Variants in CNTNAP1 observed in about 807,000 individuals in gnomAD.
The protein encoded by CNTNAP1 is contactin-associated protein 1.
In CNTNAP1, 80 loss-of-function variants were observed where a neutral mutation model predicts 161.5. The observed-to-expected ratio is 0.50, with a 90% CI of 0.41 to 0.60. The LOEUF (loss-of-function observed/expected upper bound fraction) is 0.60, where lower values mean the gene tolerates loss of function less well. Among genes scored for constraint, CNTNAP1 ranks in the 20% least tolerant of loss-of-function variants. CNTNAP1 has a pLI of 0.00. For synonymous variants in CNTNAP1, 695 were observed against 733.1 expected, an observed-to-expected ratio of 0.95 and a Z score of 0.84; for missense variants, 1,464 against 1,854.8, an observed-to-expected ratio of 0.79 and a Z score of 3.87.
In CNTNAP1 at chr17:42,697,130, C is replaced by T. The variant is rs1209658330; in HGVS notation, c.3475-144C>T. The T allele has an allele frequency of 7.5e-6, 5 of 662,744 alleles. No individual in the cohort carries two copies. The East Asian group carries it at 1.3e-4, about 18-fold the overall frequency. The allele number at this position is 662,744 out of a possible 1,614,324, so 41.1% of individuals were successfully genotyped here. A position where few individuals can be genotyped will look rare whatever the true frequency, so the allele number is the denominator to read the frequency against. On this transcript the variant is annotated intron_variant, in intron 20 of 23. Coordinates refer to ENST00000264638, the MANE Select transcript of CNTNAP1 (RefSeq NM_003632.3). ...TGAGCTAGGACTCACCCAGCTGGCA[C>T]CGCCAGTTTGGACAGAATGAGAGAT...
chr17:42,692,348 T>C, intron 16 of CNTNAP1, 151 bp from the exon 17 acceptor site: 1 of 677,490 alleles, frequency 1.5e-6, no homozygotes, highest in South Asian at 1.9e-5. Context: ...TTTAAGCAGC[T>C]GGTAAGTTTC....
intron 11 of CNTNAP1, chr17:42,689,843 C>T (rs2053062618): frequency 5.2e-6 from 3 of 576,900 alleles, no homozygotes; most frequent in South Asian, 3.9e-5. Flanking sequence ...TGGGTTCAAG[C>T]GATTCTCCTG....
rs757882183 is a variant in CNTNAP1, at chr17:42,685,079, T to G, written c.452T>G (p.Leu151Arg). 1.9e-6 allele frequency: 3 copies of G among 1,579,754 alleles called. No individual in the cohort carries two copies. Among genetic ancestry groups the G allele is most frequent in the Non-Finnish European group, 2.6e-6 (3 of 1,162,514 alleles). ...GCGCGCTACATCCGCATCGTGCCCCTGGCCTGGAACCCACGCGGCAAGATC... is the reference window on the plus strand; with the variant it reads ...GCGCGCTACATCCGCATCGTGCCCCGGGCCTGGAACCCACGCGGCAAGATC... ...FTARYIRIVP[L>R]AWNPRGKIGL... The change falls in exon 4 of 24, where the codon CTG becomes CGG. Residue 151 changes from leucine (L) to arginine (R), a missense_variant. By Grantham distance (102) the Leu-to-Arg change is moderately radical. Around this residue, in one of 3 missense-constraint regions of CNTNAP1, gnomAD observed 1,383 missense variants for 1,765.0 expected, o/e 0.78. Transcript: ENST00000264638. This position sits in a 1 kb window ranked among gnomAD's most constrained non-coding sequence, Gnocchi z 5.0.
Position 42,695,508 on chromosome 17 carries a change from C to T in CNTNAP1, c.2993-13C>T, listed in dbSNP as rs2053139631. On this transcript the variant is annotated splice_polypyrimidine_tract_variant and intron_variant, in intron 18 of 23. Transcript: ENST00000264638. ...CAGTGTGGGGGCCCTAACCTCCCTG[C>T]TTCTACCTGCAGATATTGGTGGTTT... is the stretch of plus-strand genomic sequence containing the variant. 1.1e-5 allele frequency: 18 copies of T among 1,593,852 alleles called. No homozygotes were observed. The highest frequency in any genetic ancestry group is 1.5e-5 in the Non-Finnish European group (18 of 1,165,668).
rs1328895115 is a variant in CNTNAP1 at position 42,685,255 on chromosome 17, T to A, written c.550T>A (p.Ser184Thr). 1.9e-6 allele frequency: 3 copies of A among 1,613,804 alleles called. No homozygotes were observed. Among genetic ancestry groups the A allele is most frequent in the Non-Finnish European group, 2.5e-6 (3 of 1,180,022 alleles). The change falls in exon 5 of 24, where the codon TCC becomes ACC. Residue 184 changes from serine to threonine, a missense_variant. By Grantham distance (58) the Ser-to-Thr change is moderately conservative (BLOSUM62 1). Around this residue, in one of 3 missense-constraint regions of CNTNAP1, gnomAD observed 1,383 missense variants for 1,765.0 expected, o/e 0.78. Transcript: ENST00000264638. This position sits in a 1 kb window ranked among gnomAD's most constrained non-coding sequence, Gnocchi z 5.0. ...ILYFDGDDAISYRFPRGVSRS... is the reference protein window; with the variant it reads ...ILYFDGDDAITYRFPRGVSRS... Reference sequence around the variant, plus strand: ...CTATTTCGACGGCGACGATGCCATCTCCTACCGCTTCCCGCGAGGGGTCAG... The same window carrying A: ...CTATTTCGACGGCGACGATGCCATCACCTACCGCTTCCCGCGAGGGGTCAG...
Position 42,699,103 on chromosome 17 carries a change from C to A in CNTNAP1, c.*193C>A. The A allele has an allele frequency of 2.0e-6, 1 of 492,744 alleles. No individual in the cohort carries two copies. Among genetic ancestry groups the A allele is most frequent in the Non-Finnish European group, 3.5e-6 (1 of 282,590 alleles). 30.5% of individuals were successfully genotyped at this position (492,744 alleles called of 1,614,324 possible). A position where few individuals can be genotyped will look rare whatever the true frequency, so the allele number is the denominator to read the frequency against. The stretch of plus-strand genomic sequence containing the variant: ...CCAAGGGAGTGGCCGAGCCTCACTG[C>A]CTAAACCAATGCCCTTCTCATCCCT... On this transcript the variant is annotated 3_prime_UTR_variant, in exon 24 of 24. Coordinates refer to ENST00000264638, the MANE Select transcript of CNTNAP1 (RefSeq NM_003632.3).
rs771942502 is a variant in CNTNAP1 at position 42,691,209 on chromosome 17, G to A, written c.2132G>A (p.Gly711Glu). ...TTCTACTGGGGAGGCTCCCAGCCTGGGATCCAGCGCTGTGCCTGTGGTCTG... is the reference window on the plus strand; with the variant it reads ...TTCTACTGGGGAGGCTCCCAGCCTGAGATCCAGCGCTGTGCCTGTGGTCTG... The part of the protein sequence containing the change: ...QHFYWGGSQP[G>E]IQRCACGLDR... Residue 711 changes from glycine to glutamate, a missense_variant, in exon 14 of 24, where the codon GGG becomes GAG. This residue lies in a region of CNTNAP1 where 1,383 missense variants were observed against 1,765.0 expected (regional missense o/e 0.78). Coordinates refer to ENST00000264638, the MANE Select transcript of CNTNAP1 (RefSeq NM_003632.3). This position sits in a 1 kb window ranked among gnomAD's most constrained non-coding sequence, Gnocchi z 4.3. The A allele has an allele frequency of 7.4e-6, 12 of 1,614,072 alleles. No individual in the cohort carries two copies. In the South Asian group the frequency reaches 1.3e-4, roughly 18 times the overall value.
At chr17:42,688,657 G>A (rs1319685810) in intron 9 of CNTNAP1, 46 bp downstream of exon 9, 2 of 1,612,832 alleles carry the variant, frequency 1.2e-6, no homozygotes, top group Non-Finnish European at 1.7e-6. Flanking sequence ...TGGGTGGGAA[G>A]GCTCCATCTA....
At position 42,683,455 on chromosome 17, in the gene CNTNAP1, T is replaced by C. The variant is rs974829079; in HGVS notation, c.68-366T>C. 2.7e-6 allele frequency: 3 copies of C among 1,107,434 alleles called. No homozygotes were observed. In the East Asian group the frequency reaches 2.0e-4, roughly 74 times the overall value. 68.6% of individuals were successfully genotyped at this position (1,107,434 alleles called of 1,614,324 possible). A position where few individuals can be genotyped will look rare whatever the true frequency, so the allele number is the denominator to read the frequency against. ...TGCAGGTTTTGGGGGCCGAGTTGGATTGAGGCTAGGGTTGGAGCTGGATTG... is the reference window on the plus strand; with the variant it reads ...TGCAGGTTTTGGGGGCCGAGTTGGACTGAGGCTAGGGTTGGAGCTGGATTG... On this transcript the variant is annotated intron_variant, in intron 1 of 23. Coordinates refer to ENST00000264638, the MANE Select transcript of CNTNAP1 (RefSeq NM_003632.3).
chr17:42,698,685 C>T lies in CNTNAP1; in HGVS notation c.3930C>T (p.Arg1310=), dbSNP rs754162545. 7 of 1,613,064 alleles carry T rather than the reference C, an allele frequency of 4.3e-6. No homozygotes were observed. The highest frequency in any genetic ancestry group is 5.9e-6 in the Non-Finnish European group (7 of 1,179,576). The change falls in exon 24 of 24, where the codon CGC becomes CGT. Residue 1310 remains arginine, a synonymous_variant. Coordinates refer to ENST00000264638, the MANE Select transcript of CNTNAP1 (RefSeq NM_003632.3). ...TGCTCTTCTATCTGCAAAATCATCG[C>T]TATAAGGGCTCCTACCATACCAATG... ...MLVLFYLQNH[R]YKGSYHTNEP...
intron 16 of CNTNAP1, 31 bp downstream of exon 16, chr17:42,692,022 G>T (rs771808207): frequency 6.2e-7 from 1 of 1,604,808 alleles, no homozygotes; most frequent in Admixed American, 1.7e-5. Flanking sequence ...AGGGCCTCGG[G>T]GTAGATGAAA....
intron 1 of CNTNAP1, 173 bp from the exon 2 acceptor site, chr17:42,683,648 G>A: frequency 7.0e-7 from 1 of 1,434,984 alleles, no homozygotes; most frequent in Non-Finnish European, 9.1e-7. Context: ...CTCTGAGCAT[G>A]CAGCTGTTGC....
At chr17:42,689,991 C>A in intron 11 of CNTNAP1, 97 bp from the exon 12 acceptor site, 1 of 1,410,184 alleles carries the variant, frequency 7.1e-7, no homozygotes, top group Non-Finnish European at 9.9e-7. Context: ...TGCACCACCC[C>A]GGCCTCCCAA....
intron 6 of CNTNAP1, 57 bp from the exon 7 acceptor site, chr17:42,686,846 G>T: frequency 1.3e-6 from 2 of 1,532,660 alleles, no homozygotes; most frequent in South Asian, 2.4e-5. Flanking sequence ...GGGGACGCGC[G>T]AGAAAGGCAG....
In CNTNAP1 at chr17:42,693,524, T is replaced by C. The variant is rs1323184496; in HGVS notation, c.2980T>C (p.Tyr994His). 3.7e-6 allele frequency: 6 copies of C among 1,613,168 alleles called. No individual in the cohort carries two copies. In the African/African-American group the frequency reaches 4.0e-5, roughly 11 times the overall value. ...DCDLTAFDGP[Y>H]CNHDIGGFFE... ...TGACCTCACGGCTTTTGATGGGCCA[T>C]ACTGCAACCACGGTAAGTGCTGCTG... Residue 994 changes from tyrosine to histidine, a missense_variant, in exon 18 of 24, where the codon TAC (tyrosine) becomes CAC (histidine). Transcript: ENST00000264638.
chr17:42,691,015 G>A lies in CNTNAP1; in HGVS notation c.2059+73G>A, dbSNP rs1023834329. ...GGGGGCCTGGGAGAAGGAAGCCAGA[G>A]AGCCAGCTGGGGCCTTGGGTTGGAA... is the stretch of plus-strand genomic sequence containing the variant. On this transcript the variant is annotated intron_variant, in intron 13 of 23. Coordinates refer to ENST00000264638, the MANE Select transcript of CNTNAP1 (RefSeq NM_003632.3). This position sits in a 1 kb window ranked among gnomAD's most constrained non-coding sequence, Gnocchi z 4.3. 6.2e-7 allele frequency: 1 copy of A among 1,603,190 alleles called. No individual in the cohort carries two copies. Among genetic ancestry groups the A allele is most frequent in the Non-Finnish European group, 8.5e-7 (1 of 1,172,762 alleles).
In CNTNAP1 at chr17:42,687,849, T is replaced by G; in HGVS notation, c.1174T>G (p.Trp392Gly). The G allele has an allele frequency of 6.2e-7, 1 of 1,614,236 alleles. No homozygotes were observed. The highest frequency in any genetic ancestry group is 1.7e-5 in the Admixed American group (1 of 60,030). The part of the protein sequence containing the change: ...RLAVSFRFRT[W>G]DLTGLLLFSR... ...GGCAGTCTCATTTCGCTTCCGCACC[T>G]GGGACCTCACCGGGCTTCTCCTTTT... The change falls in exon 8 of 24, where the codon TGG (tryptophan) becomes GGG (glycine). Residue 392 changes from tryptophan to glycine, a missense_variant. By Grantham distance (184) the Trp-to-Gly change is radical. This residue lies in a region of CNTNAP1 where 1,383 missense variants were observed against 1,765.0 expected (regional missense o/e 0.78). Transcript: ENST00000264638. The surrounding 1 kb of genome is among the most constrained non-coding windows in gnomAD (Gnocchi z 4.7).
chr17:42,692,453 G>A, intron 16 of CNTNAP1, 46 bp from the exon 17 acceptor site: 1 of 1,517,154 alleles, frequency 6.6e-7, no homozygotes, highest in East Asian at 2.3e-5. Flanking sequence ...GAAGGGTCTT[G>A]TAGGTCTGAG....
chr17:42,695,336 G>A (rs1334331090), intron 18 of CNTNAP1, among the ~76,000 whole-genome samples, 185 bp from the exon 19 acceptor site: 1 of 152,268 alleles, frequency 6.6e-6, no homozygotes, highest in East Asian at 1.9e-4. Context: ...ATGATCTCCA[G>A]TTTCCCATGG....
Sources: allele counts gnomAD v4.1 joint callset (sites outside exome capture counted in the v4.1 genomes callset), GRCh38; gene constraint gnomAD v4.1.1; regional missense constraint gnomAD v4.1.1; non-coding constraint Gnocchi (gnomAD v3.1); transcripts MANE v1.5; gene names NCBI Gene and HGNC (gene_info 2026-07-23, HGNC 2026-07-21).